The following SMIM3 variants were observed in gnomAD, a reference collection of about 807,000 sequenced individuals.
The protein encoded by SMIM3 is NGF-induced differentiation clone 67 protein.
Under a neutral mutation model 2.1 loss-of-function variants are expected in SMIM3, and 4 were observed. That is an observed-to-expected ratio of 1.89 (90% CI 0.93 to 4.31). SMIM3 has a LOEUF of 4.31. SMIM3 is among the 30% of genes most tolerant of loss of function. SMIM3 has a pLI of 0.01. For synonymous variants in SMIM3, 29 were observed against 30.8 expected (o/e 0.94, Z 0.19); for missense variants, 79 against 77.7 (o/e 1.02, Z -0.06).
intron 1 of SMIM3, among the ~76,000 whole-genome samples, chr5:150,783,336 A>T (rs1753255857): frequency 1.3e-5 from 2 of 152,124 alleles, no homozygotes; most frequent in African/African-American, 4.8e-5. Context: ...GAGGGTGGAG[A>T]CTTTTTGGAA....
intron 1 of SMIM3, among the ~76,000 whole-genome samples, chr5:150,784,466 G>A (rs1753269858): frequency 6.6e-6 from 1 of 152,184 alleles, no homozygotes; most frequent in Non-Finnish European, 1.5e-5. Context: ...AGATCTGAGA[G>A]AGACATCTTG....
intron 1 of SMIM3, among the ~76,000 whole-genome samples, chr5:150,790,906 T>C (rs1363627785): frequency 6.6e-6 from 1 of 152,144 alleles, no homozygotes; most frequent in South Asian, 2.1e-4. Context: ...TTTATTTGAT[T>C]TTAAAATTGT....
chr5:150,793,311 G>GA (rs1247821653), intron 1 of SMIM3, among the ~76,000 whole-genome samples: 5 of 151,984 alleles, frequency 3.3e-5, no homozygotes, highest in Non-Finnish European at 5.9e-5. Context: ...CACAGAATTA[G>GA]AAAAAACAAT....
At chr5:150,780,555 TG>T (rs1753221039) in intron 1 of SMIM3, among the ~76,000 whole-genome samples, 1 of 152,142 alleles carries the variant, frequency 6.6e-6, no homozygotes, top group Non-Finnish European at 1.5e-5. Context: ...ACTAAAGATC[TG>T]GGGAGTCCCA....
chr5:150,794,260 T>G (rs1331653711), intron 1 of SMIM3, among the ~76,000 whole-genome samples: 1 of 152,170 alleles, frequency 6.6e-6, no homozygotes, highest in Non-Finnish European at 1.5e-5. Context: ...TAGAAAACAG[T>G]GTGGAGATTC....
At chr5:150,779,062 C>T (rs1753204796) in intron 1 of SMIM3, 90 bp downstream of exon 1, 1 of 456,028 alleles carries the variant, frequency 2.2e-6, no homozygotes, top group South Asian at 1.6e-5. Context: ...GGCCCCTTTC[C>T]CCGGGCTCCC....
intron 1 of SMIM3, among the ~76,000 whole-genome samples, chr5:150,793,451 A>G (rs1318792966): frequency 6.6e-6 from 1 of 152,230 alleles, no homozygotes; most frequent in Non-Finnish European, 1.5e-5. Flanking sequence ...CCAAAATAGT[A>G]TGGTACTGGT....
intron 1 of SMIM3, among the ~76,000 whole-genome samples, chr5:150,795,019 T>A (rs2113208819): frequency 6.6e-6 from 1 of 152,036 alleles, no homozygotes; most frequent in African/African-American, 2.4e-5. Context: ...AGACTGGTAG[T>A]ATGGTAGCTT....
At chr5:150,782,121 G>C (rs917239756) in intron 1 of SMIM3, among the ~76,000 whole-genome samples, 5 of 152,198 alleles carry the variant, frequency 3.3e-5, no homozygotes, top group African/African-American at 1.2e-4. Flanking sequence ...TGAGAACAGA[G>C]TGCTCCTTAG....
At chr5:150,782,644 G>C (rs1002175697) in intron 1 of SMIM3, among the ~76,000 whole-genome samples, 1 of 152,156 alleles carries the variant, frequency 6.6e-6, no homozygotes, top group South Asian at 2.1e-4. Context: ...CTTCCTGAAT[G>C]TACAAAGAGC....
chr5:150,779,104 C>T, intron 1 of SMIM3, 132 bp downstream of exon 1: 2 of 411,196 alleles, frequency 4.9e-6, no homozygotes, highest in Admixed American at 3.0e-5. Context: ...TCTCTCCTCC[C>T]CATTTCTCCC....
intron 1 of SMIM3, among the ~76,000 whole-genome samples, chr5:150,793,106 A>G (rs1449256117): frequency 6.6e-6 from 1 of 151,866 alleles, no homozygotes; most frequent in Non-Finnish European, 1.5e-5. Flanking sequence ...TGTGTCATCT[A>G]TGATTTCTTT....
intron 1 of SMIM3, 120 bp downstream of exon 1, chr5:150,779,092 G>A (rs1047570041): frequency 9.3e-6 from 4 of 429,950 alleles, no homozygotes; most frequent in Non-Finnish European, 1.9e-5. Flanking sequence ...CTTTATGTCC[G>A]GTCTCTCCTC....
intron 1 of SMIM3, among the ~76,000 whole-genome samples, chr5:150,789,904 T>C (rs926855852): frequency 3.3e-5 from 5 of 152,200 alleles, no homozygotes; most frequent in Non-Finnish European, 5.9e-5. Flanking sequence ...AGGCCCCCAC[T>C]TTCCAGGCTC....
Position 150,788,760 on chromosome 5 carries a change from G to A in SMIM3, c.-11-6670G>A, listed in dbSNP as rs149639789. ...ACAAAATAGTCATTTTGGGATTGTT[G>A]ACTTTTCCATTGAATTGGCTAAGTT... On this transcript the variant is annotated intron_variant, in intron 1 of 1. Transcript: ENST00000526627. 6.6e-5 allele frequency among the ~76,000 whole-genome samples: 10 copies of A among 151,644 alleles called. No homozygotes were observed. In the East Asian group the frequency reaches 1.9e-3, roughly 29 times the overall value.
In SMIM3 at chr5:150,778,803, G is replaced by C. The variant is rs542905156; in HGVS notation, c.-181G>C. ...GTCCTGGCCGCTCCTGCGCTCTCCC[G>C]CCTCCCGGGGCTCGGAGGAGCCGGG... On this transcript the variant is annotated 5_prime_UTR_variant, in exon 1 of 2. Transcript: ENST00000526627. The C allele has an allele frequency of 1.5e-5, 7 of 469,376 alleles. No homozygotes were observed. The highest frequency in any genetic ancestry group is 2.6e-5 in the Non-Finnish European group (6 of 226,738). The allele number at this position is 469,376 out of a possible 1,614,324, so 29.1% of individuals were successfully genotyped here.
chr5:150,785,031 T>A (rs1753275315), intron 1 of SMIM3, among the ~76,000 whole-genome samples: 1 of 152,084 alleles, frequency 6.6e-6, no homozygotes, highest in African/African-American at 2.4e-5. Flanking sequence ...CAGAATTTGT[T>A]TGTTATTGCT....
chr5:150,788,182 G>A (rs1224703309), intron 1 of SMIM3, among the ~76,000 whole-genome samples: 1 of 151,968 alleles, frequency 6.6e-6, no homozygotes, highest in East Asian at 1.9e-4. Flanking sequence ...CCAAATGGTG[G>A]GATTGGCCGA....
At chr5:150,785,923 TTC>T (rs1165267172) in intron 1 of SMIM3, among the ~76,000 whole-genome samples, 1 of 152,190 alleles carries the variant, frequency 6.6e-6, no homozygotes, top group East Asian at 1.9e-4. Context: ...AATTTATGTA[TTC>T]TGCTAGGAGT....
Sources: allele counts gnomAD v4.1 joint callset (sites outside exome capture counted in the v4.1 genomes callset), GRCh38; gene constraint gnomAD v4.1.1; transcripts MANE v1.5; gene names NCBI Gene and HGNC (gene_info 2026-07-23, HGNC 2026-07-21).